The following CCSER1 variants were observed in gnomAD, a reference collection of about 807,000 sequenced individuals.
The protein encoded by CCSER1 is serine-rich coiled-coil domain-containing protein 1.
Under a neutral mutation model 82.0 loss-of-function variants are expected in CCSER1, and 41 were observed. The ratio of observed to expected loss-of-function variants is 0.50; its 90% CI spans 0.39 to 0.65. The LOEUF (loss-of-function observed/expected upper bound fraction) is 0.65. Among genes scored for constraint, CCSER1 ranks in the 30% least tolerant of loss-of-function variants. CCSER1 has a pLI of 0.00. For synonymous variants in CCSER1, 414 were observed against 383.9 expected, an observed-to-expected ratio of 1.08 and a Z score of -0.92; for missense variants, 1,119 against 1,064.2, an observed-to-expected ratio of 1.05 and a Z score of -0.72.
At chr4:90,888,473 T>C (rs1047277952) in intron 8 of CCSER1, among the ~76,000 whole-genome samples, 2 of 152,266 alleles carry the variant, frequency 1.3e-5, no homozygotes, top group South Asian at 4.1e-4. Context: ...GAAAATATAA[T>C]GGAGACTTAG....
Position 91,449,117 on chromosome 4 carries a change from C to T in CCSER1, c.2218-149455C>T, listed in dbSNP as rs564431776. On this transcript the variant is annotated intron_variant, in intron 10 of 10. Coordinates refer to ENST00000509176, the MANE Select transcript of CCSER1 (RefSeq NM_001145065.2). ...AAGAGAAAAGCAAATACAAAACCCT[C>T]GAGAGGTCAGGATGATTTGCTTTAT... Among the ~76,000 whole-genome samples the T allele has an allele frequency of 1.1e-4, 16 of 151,974 alleles. No homozygotes were observed. In the East Asian group the frequency reaches 1.2e-3, roughly 11 times the overall value.
chr4:90,564,764 A>G (rs1419281348), intron 5 of CCSER1, among the ~76,000 whole-genome samples: 1 of 151,930 alleles, frequency 6.6e-6, no homozygotes, highest in Non-Finnish European at 1.5e-5. Context: ...TCCCAAAACT[A>G]TTCATTGAAG....
In CCSER1 at chr4:91,405,524, C is replaced by G. The variant is rs1390408263; in HGVS notation, c.2218-193048C>G. Among the ~76,000 whole-genome samples the G allele has an allele frequency of 2.0e-5, 3 of 152,312 alleles. No individual in the cohort carries two copies. In the East Asian group the frequency reaches 5.8e-4, roughly 29 times the overall value. ...AACTACCATCAGAGTGAATAGGCAA[C>G]CTACAGAATGGGAGAAAATTTTTAC... On this transcript the variant is annotated intron_variant, in intron 10 of 10. Transcript: ENST00000509176.
At chr4:91,323,265 G>C (rs1746316257) in intron 10 of CCSER1, among the ~76,000 whole-genome samples, 1 of 152,134 alleles carries the variant, frequency 6.6e-6, no homozygotes, top group Non-Finnish European at 1.5e-5. Context: ...AATAGGCAAA[G>C]AGCAGTGGTT....
chr4:91,256,684 T>C (rs531780926), intron 10 of CCSER1, among the ~76,000 whole-genome samples: 1 of 152,232 alleles, frequency 6.6e-6, no homozygotes, highest in South Asian at 2.1e-4. Context: ...AGAGAAGCAG[T>C]TAAATTATTC....
At chr4:91,516,117 T>C (rs1760107198) in intron 10 of CCSER1, among the ~76,000 whole-genome samples, 1 of 152,096 alleles carries the variant, frequency 6.6e-6, no homozygotes, top group African/African-American at 2.4e-5. Context: ...TATATGTAGT[T>C]AGAAGCATAG....
At chr4:91,236,448 A>G (rs1008037753) in intron 10 of CCSER1, among the ~76,000 whole-genome samples, 7 of 152,092 alleles carry the variant, frequency 4.6e-5, no homozygotes, top group African/African-American at 1.7e-4. Flanking sequence ...ACACCACTGC[A>G]CTCCAGCCTG....
chr4:91,446,242 G>A lies in CCSER1; in HGVS notation c.2218-152330G>A, dbSNP rs372716212. On this transcript the variant is annotated intron_variant, in intron 10 of 10. Coordinates refer to ENST00000509176, the MANE Select transcript of CCSER1 (RefSeq NM_001145065.2). ...GCCAGATGATAAGGATAGGATTTTAGCAGACTAAGTCACATCAAGCAGTGG... is the reference window on the plus strand; with the variant it reads ...GCCAGATGATAAGGATAGGATTTTAACAGACTAAGTCACATCAAGCAGTGG... 1.2e-4 allele frequency among the ~76,000 whole-genome samples: 18 copies of A among 152,026 alleles called. No individual in the cohort carries two copies. The East Asian group carries it at 3.3e-3, about 28-fold the overall frequency.
intron 9 of CCSER1, among the ~76,000 whole-genome samples, chr4:91,068,554 TC>T (rs1581468469): frequency 2.0e-5 from 3 of 152,310 alleles, no homozygotes; most frequent in Admixed American, 6.5e-5. Context: ...ATAGAGTTTC[TC>T]AGATAGTATG....
chr4:90,249,988 T>A (rs1373019397), intron 1 of CCSER1, among the ~76,000 whole-genome samples: 2 of 152,156 alleles, frequency 1.3e-5, no homozygotes, highest in Non-Finnish European at 2.9e-5. Context: ...ATTTCCTTAA[T>A]GGCTAATTAT....
At chr4:90,938,402 G>A (rs2150319751) in intron 9 of CCSER1, among the ~76,000 whole-genome samples, 1 of 152,116 alleles carries the variant, frequency 6.6e-6, no homozygotes, top group Middle Eastern at 3.4e-3. Flanking sequence ...ATAAAACCAA[G>A]GGAATGAAAA....
chr4:91,283,473 A>C (rs1424082028), intron 10 of CCSER1, among the ~76,000 whole-genome samples: 2 of 152,128 alleles, frequency 1.3e-5, no homozygotes, highest in African/African-American at 4.8e-5. Flanking sequence ...GAATTGGTGC[A>C]AGGGAACCTA....
intron 6 of CCSER1, among the ~76,000 whole-genome samples, chr4:90,635,108 A>G (rs931229677): frequency 2.0e-5 from 3 of 151,864 alleles, no homozygotes; most frequent in Admixed American, 6.6e-5. Context: ...ACAAATTAAC[A>G]ATCACAGTTG....
chr4:91,554,685 A>G (rs6858380), intron 10 of CCSER1, among the ~76,000 whole-genome samples: 72,722 of 150,804 alleles, frequency 0.48, 18,185 homozygotes, highest in East Asian at 0.61. Flanking sequence ...TTTTTATTAA[A>G]ATGCAAAAAA....
Position 91,124,607 on chromosome 4 carries a change from T to C in CCSER1, c.2217+38613T>C, listed in dbSNP as rs536902794. On this transcript the variant is annotated intron_variant, in intron 10 of 10. Coordinates refer to ENST00000509176, the MANE Select transcript of CCSER1 (RefSeq NM_001145065.2). ...CTCAATTGTGGTACCTACTACGATA[T>C]ATGAATGTACCTGTTTTAGTTTATT... Among the ~76,000 whole-genome samples the C allele has an allele frequency of 2.0e-5, 3 of 151,922 alleles. No individual in the cohort carries two copies. The Admixed American group carries it at 2.0e-4, about 10-fold the overall frequency.
chr4:90,551,706 C>CTCTCTCTA, intron 5 of CCSER1, among the ~76,000 whole-genome samples: 6,867 of 103,892 alleles, frequency 0.066, 305 homozygotes, highest in Non-Finnish European at 0.082. Flanking sequence ...CTCTCTCTCT[C>CTCTCTCTA]TATATATATA....
At chr4:90,694,126 G>GT (rs1447238048) in intron 6 of CCSER1, among the ~76,000 whole-genome samples, 1 of 151,952 alleles carries the variant, frequency 6.6e-6, no homozygotes, top group Non-Finnish European at 1.5e-5. Flanking sequence ...GGCTATTGCA[G>GT]TATGTAAAGA....
At chr4:91,115,722 T>C (rs371326459) in intron 10 of CCSER1, among the ~76,000 whole-genome samples, 23 of 151,768 alleles carry the variant, frequency 1.5e-4, no homozygotes, top group African/African-American at 5.3e-4. Flanking sequence ...AGTAAATAAG[T>C]TGGATATATA....
At position 90,414,919 on chromosome 4, in the gene CCSER1, T is replaced by G. The variant is rs1455459777; in HGVS notation, c.1603+14790T>G. 2.0e-5 allele frequency among the ~76,000 whole-genome samples: 3 copies of G among 152,158 alleles called. No homozygotes were observed. The East Asian group carries it at 5.8e-4, about 29-fold the overall frequency. On this transcript the variant is annotated intron_variant, in intron 4 of 10. Coordinates refer to ENST00000509176, the MANE Select transcript of CCSER1 (RefSeq NM_001145065.2). The stretch of plus-strand genomic sequence containing the variant: ...ATTTGTTTTGAGGATATTTTTCTAT[T>G]CACTTATGCATCTTGCAAAATATTT...
Sources: allele counts gnomAD v4.1 joint callset (sites outside exome capture counted in the v4.1 genomes callset), GRCh38; gene constraint gnomAD v4.1.1; transcripts MANE v1.5; gene names NCBI Gene and HGNC (gene_info 2026-07-23, HGNC 2026-07-21).